The following OXNAD1 variants were observed in gnomAD, a reference collection of about 807,000 sequenced individuals.
The protein encoded by OXNAD1 is oxidoreductase NAD-binding domain-containing protein 1.
In OXNAD1, 34 loss-of-function variants were observed where a neutral mutation model predicts 32.9. The ratio of observed to expected loss-of-function variants is 1.03; its 90% CI spans 0.79 to 1.38. The LOEUF is 1.38. OXNAD1 is among the 40% of genes most tolerant of loss of function. The probability of loss-of-function intolerance (pLI) is 0.00; values close to 1 mark genes in which losing one functional copy is unlikely to be tolerated. For synonymous variants in OXNAD1, 134 were observed against 135.2 expected, an observed-to-expected ratio of 0.99 and a Z score of 0.06; for missense variants, 407 against 379.4, an observed-to-expected ratio of 1.07 and a Z score of -0.60.
chr3:16,308,622 ACT>A (rs2067739338), downstream of OXNAD1, among the ~76,000 whole-genome samples: 2 of 152,094 alleles, frequency 1.3e-5, no homozygotes, highest in Non-Finnish European at 2.9e-5. The surrounding 1 kb of genome is among the most constrained non-coding windows in gnomAD (Gnocchi z 4.4). Context: ...CTTTAATATT[ACT>A]CTTTCTTAAC....
downstream of OXNAD1, chr3:16,339,768 A>T (rs2071187448): frequency 6.6e-6 from 1 of 152,188 alleles, no homozygotes; most frequent in Non-Finnish European, 1.5e-5. Flanking sequence ...AAACTCCACA[A>T]AGGCAAGGAG....
At chr3:16,279,044 G>GTT (rs1166970306) in intron 4 of OXNAD1, among the ~76,000 whole-genome samples, 2 of 152,224 alleles carry the variant, frequency 1.3e-5, no homozygotes, top group Non-Finnish European at 2.9e-5. Context: ...AACATGCACT[G>GTT]TTTCTCAACA....
intron 4 of OXNAD1, among the ~76,000 whole-genome samples, chr3:16,285,633 G>T (rs2066023511): frequency 6.6e-6 from 1 of 152,174 alleles, no homozygotes; most frequent in Non-Finnish European, 1.5e-5. Context: ...AGGCTTTCCA[G>T]AAATCAGATA....
At chr3:16,313,603 C>T (rs1298946243) in intron 9 of OXNAD1, 1 of 152,190 alleles carries the variant, frequency 6.6e-6, no homozygotes, top group African/African-American at 2.4e-5. Flanking sequence ...TTATTCACAT[C>T]TTATTAATCC....
chr3:16,286,777 C>G (rs1021306595), intron 5 of OXNAD1, among the ~76,000 whole-genome samples: 11 of 152,184 alleles, frequency 7.2e-5, no homozygotes, highest in Non-Finnish European at 1.6e-4. Flanking sequence ...TAACAGAATG[C>G]ACTTCAGTAA....
downstream of OXNAD1, among the ~76,000 whole-genome samples, chr3:16,307,464 A>G (rs185137749): frequency 8.5e-5 from 13 of 152,162 alleles, no homozygotes; most frequent in Non-Finnish European, 1.8e-4. Flanking sequence ...TGCTAATAGG[A>G]CAGGAAAGAT....
rs1472159260 is a variant in OXNAD1 at position 16,348,277 on chromosome 3, CAG to C, written c.*31-896_*31-895del. On this transcript the variant is annotated intron_variant, in intron 9 of 9. Coordinates refer to the OXNAD1 transcript ENST00000606098. The surrounding 1 kb of genome is among the most constrained non-coding windows in gnomAD (Gnocchi z 6.3). ...CTAGATCACTGACATTATCCATAAT[CAG>C]AGGCGTCTAGGAGATCACCCACATT... is the stretch of plus-strand genomic sequence containing the variant. Among the ~76,000 whole-genome samples, 5 of 152,158 alleles carry C rather than the reference CAG, an allele frequency of 3.3e-5. No individual in the cohort carries two copies. The East Asian group carries it at 9.6e-4, about 29-fold the overall frequency.
Position 16,345,208 on chromosome 3 carries a change from A to G in OXNAD1, c.*31-3968A>G, listed in dbSNP as rs886691585. The G allele has an allele frequency of 3.3e-5, 5 of 151,994 alleles. No individual in the cohort carries two copies. Among genetic ancestry groups the G allele is most frequent in the African/African-American group, 1.2e-4 (5 of 41,120 alleles). 9.4% of individuals were successfully genotyped at this position (151,994 alleles called of 1,614,324 possible). The stretch of plus-strand genomic sequence containing the variant: ...TGAGACCCTAAGCAGCAGACGACCC[A>G]GTTCAGCCCACCTGGATTTCTGGCC... On this transcript the variant is annotated intron_variant, in intron 9 of 9. Coordinates refer to the OXNAD1 transcript ENST00000606098. The surrounding 1 kb of genome is among the most constrained non-coding windows in gnomAD (Gnocchi z 5.2).
At position 16,330,860 on chromosome 3, in the gene OXNAD1, G is replaced by A. The variant is rs191380673; in HGVS notation, c.*31-6252G>A. Among the ~76,000 whole-genome samples the A allele has an allele frequency of 6.0e-3, 913 of 152,286 alleles. 4 individuals are homozygous for A. The highest frequency in any genetic ancestry group is 0.037 in the Middle Eastern group (11 of 294). ...ATGTTTGTCTTTTGATGATTTAAAA[G>A]ATCTTCTATGCAGAGAAATAATTAG... On this transcript the variant is annotated intron_variant, in intron 9 of 9. Transcript: ENST00000435829.
rs981890874 is a variant in OXNAD1, at chr3:16,337,119, G to GC, written c.*40dup. The GC allele has an allele frequency of 1.3e-5, 2 of 152,270 alleles. No homozygotes were observed. Among genetic ancestry groups the GC allele is most frequent in the African/African-American group, 4.8e-5 (2 of 41,460 alleles). 9.4% of individuals were successfully genotyped at this position (152,270 alleles called of 1,614,324 possible). A position where few individuals can be genotyped will look rare whatever the true frequency, so the allele number is the denominator to read the frequency against. On this transcript the variant is annotated 3_prime_UTR_variant, in exon 10 of 10. Transcript: ENST00000435829. The surrounding 1 kb of genome is among the most constrained non-coding windows in gnomAD (Gnocchi z 5.0). ...TTTCTGCTCACTCTCCAGGAACCCT[G>GC]CCTACGCCATGAGGACAGGCCCAGG...
rs947995300 is a variant in OXNAD1 at position 16,288,496 on chromosome 3, G to A, written c.290+2048G>A. Among the ~76,000 whole-genome samples, 1 of 152,168 alleles carries A rather than the reference G, an allele frequency of 6.6e-6. No individual in the cohort carries two copies. Among genetic ancestry groups the A allele is most frequent in the Non-Finnish European group, 1.5e-5 (1 of 68,028 alleles). On this transcript the variant is annotated intron_variant, in intron 5 of 8. Coordinates refer to ENST00000285083, the MANE Select transcript of OXNAD1 (RefSeq NM_138381.5). This position sits in a 1 kb window ranked among gnomAD's most constrained non-coding sequence, Gnocchi z 5.1. ...AATAAATGAATGTTGTCTGTGACTA[G>A]CTGGAGCTTTGGCCACAGATCCCCA...
In OXNAD1 at chr3:16,302,661, A is replaced by C; in HGVS notation, c.697A>C (p.Asn233His). ...LFKKNILDLV[N>H]EFPEKIACSL... ...CCAGAAAAATATCCTTGATTTAGTA[A>C]ATGAATTTCCTGAGAAGATTGCATG... is the stretch of plus-strand genomic sequence containing the variant. The change falls in exon 8 of 9, where the codon AAT becomes CAT. Residue 233 changes from asparagine (N) to histidine (H), a missense_variant. By Grantham distance (68) the Asn-to-His change is moderately conservative. Transcript: ENST00000285083. The surrounding 1 kb of genome is among the most constrained non-coding windows in gnomAD (Gnocchi z 4.2). 1 of 1,612,122 alleles carries C rather than the reference A, an allele frequency of 6.2e-7. No individual in the cohort carries two copies. Among genetic ancestry groups the C allele is most frequent in the East Asian group, 2.2e-5 (1 of 44,754 alleles).
intron 9 of OXNAD1, among the ~76,000 whole-genome samples, chr3:16,319,865 G>C (rs1465062191): frequency 6.6e-6 from 1 of 152,228 alleles, no homozygotes; most frequent in African/African-American, 2.4e-5. Context: ...ACCACTTAAA[G>C]GCAGGCAAGT....
rs1659567666 is a variant in OXNAD1, at chr3:16,316,857, T to C, written c.*30+13265T>C. The C allele has an allele frequency of 6.2e-7, 1 of 1,614,184 alleles. No homozygotes were observed. The highest frequency in any genetic ancestry group is 1.3e-5 in the African/African-American group (1 of 75,060). On this transcript the variant is annotated intron_variant, in intron 9 of 9. Transcript: ENST00000435829. The surrounding 1 kb of genome is among the most constrained non-coding windows in gnomAD (Gnocchi z 4.5). ...TTTTCTTCAACCGTACCAAGCTCTC[T>C]GACTTCCTCAGCATCCCCGTCCCTG...
Position 16,270,972 on chromosome 3 carries a change from T to G in OXNAD1, c.20T>G (p.Met7Arg), listed in dbSNP as rs778805458. Reference protein sequence around the residue: MACAAVMIPGLLRCSVG... With the variant: MACAAVRIPGLLRCSVG... ...AGCGCCATGGCCTGTGCTGCTGTTA[T>G]GATTCCTGGGTTGTTGCGGTGCTCT... The change falls in exon 3 of 9, where the codon ATG becomes AGG. Residue 7 changes from methionine (M) to arginine (R), a missense_variant. Physicochemically the swap from Met to Arg is moderately conservative, Grantham distance 91. Transcript: ENST00000285083. 1 of 1,614,244 alleles carries G rather than the reference T, an allele frequency of 6.2e-7. No individual in the cohort carries two copies. The highest frequency in any genetic ancestry group is 8.5e-7 in the Non-Finnish European group (1 of 1,180,036).
intron 9 of OXNAD1, among the ~76,000 whole-genome samples, chr3:16,343,168 G>T (rs554819480): frequency 4.6e-4 from 70 of 152,230 alleles, no homozygotes; most frequent in African/African-American, 1.6e-3. Context: ...AAGTCCTCAG[G>T]TGATTCTGAG....
At chr3:16,306,871 G>A (rs2067598352), downstream of OXNAD1, among the ~76,000 whole-genome samples, 1 of 151,656 alleles carries the variant, frequency 6.6e-6, no homozygotes. Context: ...TGTTAAGATG[G>A]ATCAGTGGTT....
At chr3:16,310,440 T>C (rs572584774), downstream of OXNAD1, among the ~76,000 whole-genome samples, 94 of 152,332 alleles carry the variant, frequency 6.2e-4, no homozygotes, top group African/African-American at 2.1e-3. Context: ...GCCTTTATAT[T>C]ATTTAGAGGC....
chr3:16,328,353 G>A (rs566768855), intron 9 of OXNAD1, among the ~76,000 whole-genome samples: 1 of 152,380 alleles, frequency 6.6e-6, no homozygotes, highest in African/African-American at 2.4e-5. Context: ...GTGGCCACGT[G>A]TGGTGAGTGG....
Sources: allele counts gnomAD v4.1 joint callset (sites outside exome capture counted in the v4.1 genomes callset), GRCh38; gene constraint gnomAD v4.1.1; non-coding constraint Gnocchi (gnomAD v3.1); transcripts MANE v1.5; gene names NCBI Gene and HGNC (gene_info 2026-07-23, HGNC 2026-07-21).